The following SMC1A variants were observed in gnomAD, a reference collection of about 807,000 sequenced individuals.
SMC1A encodes structural maintenance of chromosomes protein 1A.
A neutral mutation model predicts 94.5 loss-of-function variants in SMC1A; 4 were observed. The observed-to-expected ratio is 0.04, with a 90% confidence interval of 0.02 to 0.10. The LOEUF (loss-of-function observed/expected upper bound fraction) is 0.10. Among genes scored for constraint, SMC1A ranks in the 10% least tolerant of loss-of-function variants. The pLI is 1.00. For missense variants in SMC1A, 304 were observed against 989.0 expected (o/e 0.31, Z 9.29); for synonymous variants, 345 against 347.7 (o/e 0.99, Z 0.09).
intron 9 of SMC1A, 32 bp downstream of exon 9, chrX:53,409,030 G>A (rs2075701488): frequency 8.5e-7 from 1 of 1,172,969 alleles, no homozygotes; most frequent in Non-Finnish European, 1.2e-6. Context: ...GAGTGTAAGT[G>A]CTCAGGAAAT....
intron 19 of SMC1A, among the ~76,000 whole-genome samples, chrX:53,394,395 A>G (rs1242796590): frequency 5.4e-5 from 6 of 110,219 alleles, no homozygotes; most frequent in African/African-American, 2.0e-4. Context: ...AGTGATATCC[A>G]GGATGAAAGA....
Position 53,422,145 on chromosome X carries a change from C to G in SMC1A, c.109+347G>C, listed in dbSNP as rs372647613. On this transcript the variant is annotated intron_variant, in intron 1 of 24. Coordinates refer to ENST00000322213, the MANE Select transcript of SMC1A (RefSeq NM_006306.4). ...GTAAGGCTGGGAAGCCGGCTCCGGC[C>G]GGTCCGGCGGGGAGCCGCGCGGCGG... 69 of 942,711 alleles carry G rather than the reference C, an allele frequency of 7.3e-5. No individual in the cohort carries two copies. The East Asian group carries it at 1.7e-3, about 24-fold the overall frequency. The allele number at this position is 942,711 out of a possible 1,213,427, so 77.7% of individuals were successfully genotyped here.
At chrX:53,385,008 T>C (rs2075599218) in intron 19 of SMC1A, among the ~76,000 whole-genome samples, 1 of 109,857 alleles carries the variant, frequency 9.1e-6, no homozygotes, top group Non-Finnish European at 1.9e-5. Context: ...TATATATATA[T>C]GGCAGTAGTA....
chrX:53,398,835 T>C (rs1399961669), intron 16 of SMC1A, among the ~76,000 whole-genome samples: 1 of 111,727 alleles, frequency 9.0e-6, no homozygotes, highest in African/African-American at 3.2e-5. Flanking sequence ...CATCAAAGTG[T>C]TTGCATAAAG....
chrX:53,413,582 T>C (rs2075721431), intron 3 of SMC1A, 147 bp from the exon 4 acceptor site: 4 of 545,668 alleles, frequency 7.3e-6, no homozygotes, highest in Non-Finnish European at 1.2e-5. Context: ...TGAGGACAAA[T>C]TCCTTGCCCT....
chrX:53,399,456 T>G, intron 16 of SMC1A, 133 bp downstream of exon 16: 1 of 599,322 alleles, frequency 1.7e-6, no homozygotes, highest in Non-Finnish European at 2.7e-6. Context: ...TTTTCCCGTT[T>G]AGGTCTTGGT....
rs189713528 is a variant in SMC1A, at chrX:53,392,066, T to A, written c.2973+2712A>T. Among the ~76,000 whole-genome samples the A allele has an allele frequency of 1.4e-4, 15 of 110,966 alleles. No homozygotes were observed. In the East Asian group the frequency reaches 4.3e-3, roughly 32 times the overall value. ...ATAAAAGATAAGGACTTAAAAAAAA[T>A]AGTAATACCACTATTACACTTAAAA... On this transcript the variant is annotated intron_variant, in intron 19 of 24. Coordinates refer to ENST00000322213, the MANE Select transcript of SMC1A (RefSeq NM_006306.4).
Position 53,379,844 on chromosome X carries a change from G to T in SMC1A, c.*259C>A. The T allele has an allele frequency of 2.4e-6, 1 of 422,977 alleles. No individual in the cohort carries two copies. The highest frequency in any genetic ancestry group is 2.4e-5 in the African/African-American group (1 of 40,940). The allele number at this position is 422,977 out of a possible 1,213,427, so 34.9% of individuals were successfully genotyped here. On this transcript the variant is annotated 3_prime_UTR_variant, in exon 25 of 25. Coordinates refer to ENST00000322213, the MANE Select transcript of SMC1A (RefSeq NM_006306.4). ...ATTATGGGTGATGAGGGGGAGGAAGGGGGTGTGTGTGATGAACAGATGGCC... is the reference window on the plus strand; with the variant it reads ...ATTATGGGTGATGAGGGGGAGGAAGTGGGTGTGTGTGATGAACAGATGGCC...
At chrX:53,393,693 A>T (rs1282848010) in intron 19 of SMC1A, among the ~76,000 whole-genome samples, 1 of 111,249 alleles carries the variant, frequency 9.0e-6, no homozygotes, top group Non-Finnish European at 1.9e-5. Flanking sequence ...CATTATTATC[A>T]TTCTCTTTAC....
intron 16 of SMC1A, among the ~76,000 whole-genome samples, chrX:53,397,598 T>C (rs1314543520): frequency 9.2e-6 from 1 of 108,524 alleles, no homozygotes; most frequent in Non-Finnish European, 1.9e-5. Context: ...AAAATAATAA[T>C]CACATAAAGG....
At chrX:53,390,789 G>A (rs909819713) in intron 19 of SMC1A, among the ~76,000 whole-genome samples, 29 of 104,878 alleles carry the variant, frequency 2.8e-4, no homozygotes, top group African/African-American at 9.8e-4. Flanking sequence ...TCAGGAGATC[G>A]ATACCATCCT....
chrX:53,389,116 TG>T (rs1376097582), intron 19 of SMC1A, among the ~76,000 whole-genome samples: 1 of 108,478 alleles, frequency 9.2e-6, no homozygotes, highest in African/African-American at 3.3e-5. Context: ...GAACCATTTT[TG>T]TTTTTTTTTT....
chrX:53,403,898 A>G lies in SMC1A; in HGVS notation c.2197-5T>C, dbSNP rs2297104. ...ACTCTCCAGCTTGGATTTTTCCTAC[A>G]GGCAATGGGTTGAGAGGACAAAGCA... On this transcript the variant is annotated splice_region_variant and splice_polypyrimidine_tract_variant and intron_variant, in intron 13 of 24. Transcript: ENST00000322213. The G allele has an allele frequency of 8.3e-3, 9,584 of 1,160,911 alleles. 344 individuals are homozygous for G. In the Admixed American group the frequency reaches 0.098, roughly 12 times the overall value.
intron 16 of SMC1A, among the ~76,000 whole-genome samples, chrX:53,397,468 C>A (rs1223494575): frequency 9.0e-6 from 1 of 111,349 alleles, no homozygotes; most frequent in Non-Finnish European, 1.9e-5. Context: ...GTGGTCCCAG[C>A]TACTTGAGAG....
intron 19 of SMC1A, among the ~76,000 whole-genome samples, chrX:53,389,457 G>A (rs782548456): frequency 8.1e-5 from 9 of 111,605 alleles, no homozygotes; most frequent in South Asian, 7.5e-4. Flanking sequence ...ACTGCCAAGC[G>A]TGGTGGCTCA....
chrX:53,389,138 G>A (rs1283879103), intron 19 of SMC1A, among the ~76,000 whole-genome samples: 1 of 106,475 alleles, frequency 9.4e-6, no homozygotes, highest in South Asian at 4.2e-4. Flanking sequence ...TTTTGGTCGG[G>A]GGGGTGAAGG....
At chrX:53,421,925 A>G in intron 1 of SMC1A, 1 of 1,209,284 alleles carries the variant, frequency 8.3e-7, no homozygotes, top group Non-Finnish European at 1.1e-6. Context: ...GTGGGGATCG[A>G]CACCTCAAGC....
At chrX:53,416,558 C>G in intron 1 of SMC1A, among the ~76,000 whole-genome samples, 1 of 107,394 alleles carries the variant, frequency 9.3e-6, no homozygotes, top group Non-Finnish European at 1.9e-5. Context: ...ACCCAGCTAA[C>G]TTTCTGTATT....
At chrX:53,398,085 C>T (rs1396340516) in intron 16 of SMC1A, among the ~76,000 whole-genome samples, 1 of 105,999 alleles carries the variant, frequency 9.4e-6, no homozygotes, top group Non-Finnish European at 1.9e-5. Context: ...ACTCAGGAGG[C>T]AGAGGCAGGA....
Sources: allele counts gnomAD v4.1 joint callset (sites outside exome capture counted in the v4.1 genomes callset), GRCh38; gene constraint gnomAD v4.1.1; transcripts MANE v1.5; gene names NCBI Gene and HGNC (gene_info 2026-07-23, HGNC 2026-07-21).